Variants in CEP112 observed in about 807,000 individuals in gnomAD.
CEP112 encodes the protein centrosomal protein 112.
CEP112 carries 127 observed loss-of-function variants against 153.0 expected under a neutral mutation model. The observed-to-expected ratio is 0.83, with a 90% CI of 0.72 to 0.96. The LOEUF is 0.96. Among genes scored for constraint, CEP112 ranks in the 40% least tolerant of loss-of-function variants. The pLI, the probability that CEP112 is intolerant of heterozygous loss-of-function variation, is 0.00. For missense variants in CEP112, 1,089 were observed against 1,101.2 expected, an observed-to-expected ratio of 0.99 and a Z score of 0.16; for synonymous variants, 358 against 374.4, an observed-to-expected ratio of 0.96 and a Z score of 0.51.
chr17:65,935,270 A>C (rs1459987240), intron 18 of CEP112, among the ~76,000 whole-genome samples: 1 of 152,224 alleles, frequency 6.6e-6, no homozygotes, highest in Non-Finnish European at 1.5e-5. Flanking sequence ...TAAATATATA[A>C]AGCAAATATT....
rs185267569 is a variant in CEP112, at chr17:65,788,652, T to C, written c.2395-37928A>G. On this transcript the variant is annotated intron_variant, in intron 21 of 26. Transcript: ENST00000535342. ...AAATGTTTCCATCTTATCCAGATTT[T>C]CAATTTTATTGGCATAAAGTTATTC... 3.6e-3 allele frequency among the ~76,000 whole-genome samples: 548 copies of C among 152,326 alleles called. 6 individuals carry two copies. The highest frequency in any genetic ancestry group is 0.013 in the African/African-American group (530 of 41,590).
rs543122128 is a variant in CEP112, at chr17:65,800,524, G to T, written c.2395-49800C>A. On this transcript the variant is annotated intron_variant, in intron 21 of 26. Transcript: ENST00000535342. ...CCTATCCATCAGTGACTGGGAATTT[G>T]GGTTGCTTATACTTTTTGGCTATTT... Among the ~76,000 whole-genome samples the T allele has an allele frequency of 4.6e-5, 7 of 152,174 alleles. No homozygotes were observed. The South Asian group carries it at 1.2e-3, about 27-fold the overall frequency.
chr17:65,762,798 T>C (rs2052689165), intron 21 of CEP112, among the ~76,000 whole-genome samples: 1 of 152,048 alleles, frequency 6.6e-6, no homozygotes, highest in African/African-American at 2.4e-5. Flanking sequence ...TATATGTCTG[T>C]ATAAATATAT....
chr17:65,688,238 T>C (rs1014069420), intron 24 of CEP112: 10 of 152,244 alleles, frequency 6.6e-5, no homozygotes, highest in African/African-American at 2.4e-4. Context: ...ATGTGATTTA[T>C]GCCTCTAAGC....
chr17:65,721,551 T>C (rs1388839120), intron 23 of CEP112, among the ~76,000 whole-genome samples: 1 of 152,250 alleles, frequency 6.6e-6, no homozygotes, highest in Non-Finnish European at 1.5e-5. Context: ...TTTATTTATA[T>C]ATTGATCATC....
chr17:65,727,574 G>C (rs1308735213), intron 23 of CEP112, among the ~76,000 whole-genome samples: 1 of 152,124 alleles, frequency 6.6e-6, no homozygotes, highest in African/African-American at 2.4e-5. Flanking sequence ...AGATAAATTG[G>C]GATGAAGGAA....
chr17:65,901,605 A>ATG (rs1483086690), intron 20 of CEP112, among the ~76,000 whole-genome samples: 1 of 152,134 alleles, frequency 6.6e-6, no homozygotes, highest in African/African-American at 2.4e-5. Context: ...GCTAGGAGGC[A>ATG]TGTGTGTGTG....
chr17:65,768,907 T>G (rs7222229), intron 21 of CEP112, among the ~76,000 whole-genome samples: 72,918 of 151,894 alleles, frequency 0.48, 19,189 homozygotes, highest in East Asian at 0.78. Context: ...CACTTCTACT[T>G]AGCAGAGTAC....
rs57598697 is a variant in CEP112 at position 65,950,699 on chromosome 17, C to CTATTATTATTATTAT, written c.1872+10763_1872+10764insATAATAATAATAATA. Among the ~76,000 whole-genome samples the CTATTATTATTATTAT allele has an allele frequency of 7.3e-3, 1,077 of 147,154 alleles. 9 individuals carry two copies. Among genetic ancestry groups the CTATTATTATTATTAT allele is most frequent in the East Asian group, 0.012 (61 of 4,890 alleles). Reference sequence around the variant, plus strand: ...CTTTCTTTCCATTCTGGATACATTACTAGTAGTAGTAGTAGTAGTAGTAGT... The same window carrying CTATTATTATTATTAT: ...CTTTCTTTCCATTCTGGATACATTACTATTATTATTATTATTAGTAGTAGTAGTAGTAGTAGTAGT... On this transcript the variant is annotated intron_variant, in intron 18 of 26. Coordinates refer to ENST00000535342, the MANE Select transcript of CEP112 (RefSeq NM_001199165.4).
At chr17:66,094,707 A>G (rs1178552283) in intron 8 of CEP112, among the ~76,000 whole-genome samples, 1 of 152,102 alleles carries the variant, frequency 6.6e-6, no homozygotes, top group African/African-American at 2.4e-5. Flanking sequence ...ACAGAGTAAA[A>G]AGACAGCCTA....
chr17:65,870,062 AAAG>A (rs766239945), intron 20 of CEP112, among the ~76,000 whole-genome samples: 34 of 80,058 alleles, frequency 4.2e-4, no homozygotes, highest in African/African-American at 8.2e-4. Flanking sequence ...AGAAAGAAAG[AAAG>A]AAAGAAAGAA....
rs142391080 is a variant in CEP112, at chr17:65,795,265, T to C, written c.2395-44541A>G. 9.5e-4 allele frequency among the ~76,000 whole-genome samples: 145 copies of C among 152,254 alleles called. 1 individual carries two copies. Among genetic ancestry groups the C allele is most frequent in the Admixed American group, 5.6e-3 (85 of 15,302 alleles). On this transcript the variant is annotated intron_variant, in intron 21 of 26. Transcript: ENST00000535342. ...TCTAAACCACTGAGATTCTTAAAAA[T>C]TGGTTATTATGATTAAAGGGGTAGC...
At chr17:65,693,555 T>C (rs2048219857) in intron 23 of CEP112, among the ~76,000 whole-genome samples, 2 of 151,352 alleles carry the variant, frequency 1.3e-5, no homozygotes, top group Non-Finnish European at 2.9e-5. Flanking sequence ...AGTGGAACCG[T>C]TGACAGGGAA....
intron 20 of CEP112, among the ~76,000 whole-genome samples, chr17:65,894,583 A>G (rs2059596122): frequency 6.6e-6 from 1 of 152,094 alleles, no homozygotes; most frequent in Non-Finnish European, 1.5e-5. Flanking sequence ...AATATTCCAA[A>G]TTAGTATGTG....
At chr17:66,044,884 C>T (rs185510732) in intron 12 of CEP112, among the ~76,000 whole-genome samples, 82 of 151,222 alleles carry the variant, frequency 5.4e-4, no homozygotes, top group Non-Finnish European at 4.9e-4. Flanking sequence ...AAAAGAATGA[C>T]GAAAAAGAAT....
intron 24 of CEP112, among the ~76,000 whole-genome samples, chr17:65,645,324 C>A (rs1293657160): frequency 6.6e-6 from 1 of 152,172 alleles, no homozygotes; most frequent in African/African-American, 2.4e-5. Flanking sequence ...CTGCCTCAGC[C>A]TCCTGAGTAG....
At chr17:65,751,774 T>C (rs969289253) in intron 21 of CEP112, among the ~76,000 whole-genome samples, 3 of 152,206 alleles carry the variant, frequency 2.0e-5, no homozygotes, top group African/African-American at 7.2e-5. Context: ...TTGAACAGCA[T>C]CATCATTAAC....
chr17:65,937,599 C>T (rs1303962241), intron 18 of CEP112, among the ~76,000 whole-genome samples: 1 of 109,024 alleles, frequency 9.2e-6, no homozygotes, highest in Admixed American at 1.1e-4. Context: ...GGCCAGCCGC[C>T]CCGTCCGGGA....
At position 65,828,543 on chromosome 17, in the gene CEP112, C is replaced by A. The variant is rs1246470892; in HGVS notation, c.2394+23261G>T. ...TGAAAGAGAACCATTTGATCCTAGC[C>A]CTGGGCCATCCTAATACATCTGGAT... On this transcript the variant is annotated intron_variant, in intron 21 of 26. Transcript: ENST00000535342. 2.0e-5 allele frequency among the ~76,000 whole-genome samples: 3 copies of A among 152,212 alleles called. No individual in the cohort carries two copies. The East Asian group carries it at 5.8e-4, about 29-fold the overall frequency.
Sources: gnomAD v4.1 joint callset for allele counts (sites outside exome capture counted in the v4.1 genomes callset) on GRCh38, gnomAD v4.1.1 for gene constraint, MANE v1.5 for transcripts, NCBI Gene and HGNC (gene_info 2026-07-23, HGNC 2026-07-21) for gene names.